XIAP: variants seen among roughly 807,000 people sequenced by gnomAD.
XIAP encodes the protein X-linked inhibitor of apoptosis, also known as E3 ubiquitin-protein ligase XIAP.
XIAP carries 3 observed loss-of-function variants against 33.1 expected under a neutral mutation model. That is an observed-to-expected ratio of 0.09 (90% CI 0.04 to 0.23). The LOEUF (loss-of-function observed/expected upper bound fraction) is 0.23, where lower values mean the gene tolerates loss of function less well. Ranked by LOEUF, XIAP falls within the 10% of genes least tolerant of loss-of-function variation. The pLI, the probability that XIAP is intolerant of heterozygous loss-of-function variation, is 1.00. For missense variants in XIAP, 264 were observed against 363.0 expected, an observed-to-expected ratio of 0.73 and a Z score of 2.22; for synonymous variants, 98 against 121.3, an observed-to-expected ratio of 0.81 and a Z score of 1.26.
intron 1 of XIAP, chrX:123,879,109 G>A (rs139142329): frequency 9.0e-6 from 1 of 110,953 alleles, no homozygotes; most frequent in Admixed American, 9.8e-5. Context: ...CCTGGAACAA[G>A]CCAGGATATA....
At chrX:123,880,814 G>C (rs767079832) in intron 1 of XIAP, among the ~76,000 whole-genome samples, 1 of 107,409 alleles carries the variant, frequency 9.3e-6, no homozygotes, top group Non-Finnish European at 1.9e-5. Flanking sequence ...ATGTGCCTTT[G>C]TCTCTGTATC....
At chrX:123,865,976 T>G (rs1197335376) in intron 1 of XIAP, among the ~76,000 whole-genome samples, 1 of 105,150 alleles carries the variant, frequency 9.5e-6, no homozygotes, top group East Asian at 3.0e-4. Context: ...TCTTGCTCTG[T>G]CGCCCAGAGC....
At chrX:123,894,093 C>T (rs2053436084) in intron 5 of XIAP, among the ~76,000 whole-genome samples, 1 of 112,263 alleles carries the variant, frequency 8.9e-6, no homozygotes, top group South Asian at 3.6e-4. Context: ...TTCTTTATCC[C>T]ATACTGTCAT....
chrX:123,910,019 G>A lies in XIAP; in HGVS notation c.*2838G>A, dbSNP rs1175133119. The stretch of plus-strand genomic sequence containing the variant: ...GTAGACTATTCCTTTTCTGTATAAA[G>A]TTCACTCTAGGATTTCAAGTCACCA... On this transcript the variant is annotated 3_prime_UTR_variant, in exon 7 of 7. Transcript: ENST00000371199. 6.1e-6 allele frequency: 2 copies of A among 329,148 alleles called. No individual in the cohort carries two copies. Among genetic ancestry groups the A allele is most frequent in the Non-Finnish European group, 1.2e-5 (2 of 169,906 alleles). The allele number at this position is 329,148 out of a possible 1,213,427, so 27.1% of individuals were successfully genotyped here.
Position 123,907,379 on chromosome X carries a change from AT to A in XIAP, c.*206del, listed in dbSNP as rs747141287. ...TTTCAGGGTATTAGCTGTATTATCC[AT>A]TTTTTTTACTGTTATTTAATTGAAA... On this transcript the variant is annotated 3_prime_UTR_variant, in exon 7 of 7. Transcript: ENST00000371199. 32 of 491,382 alleles carry A rather than the reference AT, an allele frequency of 6.5e-5. No homozygotes were observed. Among genetic ancestry groups the A allele is most frequent in the Admixed American group, 1.8e-4 (6 of 34,228 alleles). The allele number at this position is 491,382 out of a possible 1,213,427, so 40.5% of individuals were successfully genotyped here. A position where few individuals can be genotyped will look rare whatever the true frequency, so the allele number is the denominator to read the frequency against.
chrX:123,887,616 T>C (rs369846589), intron 2 of XIAP, among the ~76,000 whole-genome samples: 27 of 112,108 alleles, frequency 2.4e-4, no homozygotes, highest in African/African-American at 7.8e-4. Flanking sequence ...TACTAATACT[T>C]GAAACATAAC....
intron 5 of XIAP, among the ~76,000 whole-genome samples, chrX:123,897,237 T>TA (rs2053469953): frequency 1.8e-5 from 2 of 111,868 alleles, no homozygotes; most frequent in South Asian, 3.6e-4. Flanking sequence ...GAAACATCTT[T>TA]AATTTTTATG....
intron 1 of XIAP, among the ~76,000 whole-genome samples, chrX:123,863,248 C>A (rs1212932243): frequency 1.8e-5 from 2 of 110,596 alleles, no homozygotes; most frequent in African/African-American, 6.6e-5. Flanking sequence ...GTCAGGAGTT[C>A]AAGACCAGCC....
chrX:123,869,362 C>CAAAAAA (rs57436822), intron 1 of XIAP, among the ~76,000 whole-genome samples: 428 of 29,715 alleles, frequency 0.014, 23 homozygotes, highest in Non-Finnish European at 0.02. Context: ...TAAAAAAATA[C>CAAAAAA]AAAAAAAAAA....
At position 123,912,142 on chromosome X, in the gene XIAP, C is replaced by T. The variant is rs2053607809; in HGVS notation, c.*4961C>T. ...TAATATAATAGGACAATCATCAATG[C>T]ATATATAGCCAGCCCTTCATATCTG... On this transcript the variant is annotated 3_prime_UTR_variant, in exon 7 of 7. Coordinates refer to ENST00000371199, the MANE Select transcript of XIAP (RefSeq NM_001167.4). 3.1e-6 allele frequency: 1 copy of T among 317,654 alleles called. No homozygotes were observed. The highest frequency in any genetic ancestry group is 2.8e-5 in the African/African-American group (1 of 35,283). 26.2% of individuals were successfully genotyped at this position (317,654 alleles called of 1,213,427 possible). A position where few individuals can be genotyped will look rare whatever the true frequency, so the allele number is the denominator to read the frequency against.
At chrX:123,903,251 C>T (rs1486301579) in intron 6 of XIAP, among the ~76,000 whole-genome samples, 1 of 95,326 alleles carries the variant, frequency 1.0e-5, no homozygotes, top group African/African-American at 4.0e-5. Context: ...TGCAATGGTG[C>T]AATCTTGGCT....
intron 3 of XIAP, among the ~76,000 whole-genome samples, chrX:123,889,497 C>T (rs781258211): frequency 1.6e-4 from 17 of 107,046 alleles, no homozygotes; most frequent in African/African-American, 4.1e-4. Context: ...TGAGCCACTG[C>T]GCCTGGCCTC....
intron 4 of XIAP, 86 bp downstream of exon 4, chrX:123,891,402 G>A (rs1013472025): frequency 4.5e-6 from 2 of 444,254 alleles, no homozygotes; most frequent in African/African-American, 5.0e-5. Flanking sequence ...TATATCATTT[G>A]TTTTATAGTT....
intron 5 of XIAP, among the ~76,000 whole-genome samples, chrX:123,898,495 CG>C (rs1461612496): frequency 9.1e-6 from 1 of 109,940 alleles, no homozygotes; most frequent in Non-Finnish European, 1.9e-5. Context: ...CCTGAGTAGC[CG>C]GGACTACAGG....
intron 1 of XIAP, among the ~76,000 whole-genome samples, chrX:123,868,057 C>T (rs2053160576): frequency 8.9e-6 from 1 of 111,752 alleles, no homozygotes; most frequent in African/African-American, 3.2e-5. Context: ...GTAACAGGGT[C>T]AGGCATGGTG....
In XIAP at chrX:123,911,275, C is replaced by T. The variant is rs1198423585; in HGVS notation, c.*4094C>T. 5.5e-5 allele frequency: 17 copies of T among 311,644 alleles called. No homozygotes were observed. The East Asian group carries it at 1.2e-3, about 22-fold the overall frequency. The allele number at this position is 311,644 out of a possible 1,213,427, so 25.7% of individuals were successfully genotyped here. On this transcript the variant is annotated 3_prime_UTR_variant, in exon 7 of 7. Coordinates refer to ENST00000371199, the MANE Select transcript of XIAP (RefSeq NM_001167.4). ...GGCAGATCACCTGAGGTCGGGAGGTCGAGACCAGCCTGACCAACATGGAGA... is the reference window on the plus strand; with the variant it reads ...GGCAGATCACCTGAGGTCGGGAGGTTGAGACCAGCCTGACCAACATGGAGA...
At chrX:123,885,580 G>A in intron 1 of XIAP, 51 bp from the exon 2 acceptor site, 4 of 1,055,731 alleles carry the variant, frequency 3.8e-6, no homozygotes, top group Non-Finnish European at 2.6e-6. Flanking sequence ...ACAAAAGTCT[G>A]TTGCTTGTGT....
At chrX:123,860,030 C>T (rs752106231), upstream of XIAP, 2 of 320,099 alleles carry the variant, frequency 6.2e-6, no homozygotes, top group African/African-American at 5.3e-5. Context: ...GGGAGACTGA[C>T]GGACCGCGCC....
chrX:123,867,674 T>G (rs1171198871), intron 1 of XIAP, among the ~76,000 whole-genome samples: 2 of 95,962 alleles, frequency 2.1e-5, no homozygotes, highest in African/African-American at 7.7e-5. Flanking sequence ...ACCTGGCCTT[T>G]TTTTTTTTTT....
Sources: allele counts gnomAD v4.1 joint callset (sites outside exome capture counted in the v4.1 genomes callset), GRCh38; gene constraint gnomAD v4.1.1; transcripts MANE v1.5; gene names NCBI Gene and HGNC (gene_info 2026-07-23, HGNC 2026-07-21).